The following GXYLT1 variants were observed in gnomAD, a reference collection of about 807,000 sequenced individuals.
The protein encoded by GXYLT1 is glycosyltransferase 8 domain containing 3.
A neutral mutation model predicts 54.0 loss-of-function variants in GXYLT1; 29 were observed. The ratio of observed to expected loss-of-function variants is 0.54; its 90% CI spans 0.40 to 0.73. GXYLT1 has a LOEUF of 0.73. Ranked by LOEUF, GXYLT1 falls within the 30% of genes least tolerant of loss-of-function variation. The pLI is 0.00. For missense variants in GXYLT1, 490 were observed against 553.4 expected (o/e 0.89, Z 1.15); for synonymous variants, 176 against 204.1 (o/e 0.86, Z 1.17).
chr12:42,133,515 C>G (rs984852891), intron 1 of GXYLT1, among the ~76,000 whole-genome samples: 5 of 152,116 alleles, frequency 3.3e-5, no homozygotes, highest in Non-Finnish European at 7.4e-5. Context: ...GATCAACAGC[C>G]TCCACTGAGC....
At chr12:42,115,454 G>A (rs1041645090) in intron 3 of GXYLT1, among the ~76,000 whole-genome samples, 2 of 152,254 alleles carry the variant, frequency 1.3e-5, no homozygotes, top group East Asian at 1.9e-4. Flanking sequence ...AAATCAATGT[G>A]CAAAAATCAC....
intron 5 of GXYLT1, among the ~76,000 whole-genome samples, chr12:42,098,344 T>C (rs1030490589): frequency 2.0e-5 from 3 of 152,140 alleles, no homozygotes; most frequent in African/African-American, 7.2e-5. Flanking sequence ...GTCAGAGTTG[T>C]TGATGATTAA....
chr12:42,119,188 C>G lies in GXYLT1; in HGVS notation c.315-17G>C. The stretch of plus-strand genomic sequence containing the variant: ...AGACTGTACCTAATAGGAAAGAAAA[C>G]CACATTTTTCAACAGTTTTAGTATA... On this transcript the variant is annotated splice_polypyrimidine_tract_variant and intron_variant, in intron 2 of 7. Transcript: ENST00000398675. 6.7e-7 allele frequency: 1 copy of G among 1,497,032 alleles called. No individual in the cohort carries two copies. Among genetic ancestry groups the G allele is most frequent in the Non-Finnish European group, 9.0e-7 (1 of 1,117,116 alleles). The allele number at this position is 1,497,032 out of a possible 1,614,324, so 92.7% of individuals were successfully genotyped here.
chr12:42,123,979 TATC>T (rs1187198223), intron 2 of GXYLT1, among the ~76,000 whole-genome samples: 1 of 150,898 alleles, frequency 6.6e-6, no homozygotes, highest in East Asian at 1.9e-4. Context: ...TGTGCTAAAT[TATC>T]ATACCAGGCA....
chr12:42,099,093 G>A (rs1051802599), intron 5 of GXYLT1, among the ~76,000 whole-genome samples: 3 of 152,098 alleles, frequency 2.0e-5, no homozygotes, highest in Non-Finnish European at 2.9e-5. Context: ...TGCACTCCAA[G>A]AAAGAGACCC....
chr12:42,091,505 A>G (rs2065329289), intron 7 of GXYLT1, among the ~76,000 whole-genome samples: 1 of 152,162 alleles, frequency 6.6e-6, no homozygotes, highest in South Asian at 2.1e-4. Flanking sequence ...GAACCCCACA[A>G]GCACTTTTCT....
At chr12:42,129,906 A>G in intron 1 of GXYLT1, 55 bp from the exon 2 acceptor site, 1 of 1,119,084 alleles carries the variant, frequency 8.9e-7, no homozygotes, top group Non-Finnish European at 1.3e-6. Context: ...GTTTGGAACT[A>G]ACAAGGAATT....
At chr12:42,108,854 A>G (rs911366195) in intron 4 of GXYLT1, among the ~76,000 whole-genome samples, 9 of 152,216 alleles carry the variant, frequency 5.9e-5, no homozygotes, top group East Asian at 1.9e-4. Flanking sequence ...TATTTCTACC[A>G]TAAGTATTCT....
chr12:42,125,924 G>A (rs2065558409), intron 2 of GXYLT1, among the ~76,000 whole-genome samples: 4 of 151,990 alleles, frequency 2.6e-5, no homozygotes, highest in Non-Finnish European at 5.9e-5. Context: ...CTACTTAGAG[G>A]ACTCAGGCAG....
intron 7 of GXYLT1, among the ~76,000 whole-genome samples, chr12:42,092,531 T>C (rs1457956834): frequency 6.6e-6 from 1 of 152,124 alleles, no homozygotes; most frequent in African/African-American, 2.4e-5. Context: ...GTATTAATCA[T>C]GTCCCCCATC....
Position 42,097,273 on chromosome 12 carries a change from G to GA in GXYLT1, c.1161+168dup, listed in dbSNP as rs555226768. The stretch of plus-strand genomic sequence containing the variant: ...GAAAAAACAACTACATTGTTTTCAG[G>GA]AAAAAAAAATGTAGAGAGAAAACCA... On this transcript the variant is annotated intron_variant, in intron 7 of 7. Transcript: ENST00000398675. Among the ~76,000 whole-genome samples the GA allele has an allele frequency of 1.1e-4, 16 of 150,456 alleles. 2 individuals carry two copies. The highest frequency in any genetic ancestry group is 2.2e-4 in the African/African-American group (9 of 41,058).
intron 5 of GXYLT1, among the ~76,000 whole-genome samples, chr12:42,100,184 C>A (rs1284549692): frequency 6.6e-6 from 1 of 152,096 alleles, no homozygotes; most frequent in Admixed American, 6.6e-5. Flanking sequence ...CCTTTTAGAT[C>A]TATGTGACTC....
At position 42,097,633 on chromosome 12, in the gene GXYLT1, A is replaced by G. The variant is rs751888298; in HGVS notation, c.989-19T>C. 1.9e-6 allele frequency: 3 copies of G among 1,594,158 alleles called. No individual in the cohort carries two copies. The African/African-American group carries it at 4.1e-5, about 22-fold the overall frequency. On this transcript the variant is annotated intron_variant, in intron 6 of 7. Coordinates refer to ENST00000398675, the MANE Select transcript of GXYLT1 (RefSeq NM_173601.2). ...AGGCTTTCTACATAAAGAAAAGACC[A>G]AACAATGAAGCAAATACCCCTAATT...
intron 2 of GXYLT1, among the ~76,000 whole-genome samples, chr12:42,128,368 C>A (rs1387408229): frequency 6.6e-6 from 1 of 152,116 alleles, no homozygotes; most frequent in African/African-American, 2.4e-5. Context: ...CCCATAAATA[C>A]ATAGAATTAT....
chr12:42,144,059 A>C (rs2065665924), intron 1 of GXYLT1, among the ~76,000 whole-genome samples: 1 of 152,220 alleles, frequency 6.6e-6, no homozygotes, highest in Non-Finnish European at 1.5e-5. Context: ...TCATGTTTAA[A>C]TATCTCAACT....
chr12:42,106,297 A>G (rs1234882941), intron 4 of GXYLT1, among the ~76,000 whole-genome samples: 1 of 152,162 alleles, frequency 6.6e-6, no homozygotes, highest in Non-Finnish European at 1.5e-5. Flanking sequence ...ACCAAAACAA[A>G]ATACTCAATT....
chr12:42,126,211 C>T (rs1253278387), intron 2 of GXYLT1, among the ~76,000 whole-genome samples: 2 of 151,916 alleles, frequency 1.3e-5, no homozygotes, highest in Non-Finnish European at 2.9e-5. Flanking sequence ...GTAGCTTGAA[C>T]TAAAGTTGCG....
At position 42,144,561 on chromosome 12, in the gene GXYLT1, G is replaced by A. The variant is rs779634945; in HGVS notation, c.86C>T (p.Ser29Phe). Residue 29 changes from serine to phenylalanine, a missense_variant, in exon 1 of 8, where the codon TCC becomes TTC. By Grantham distance (155) the Ser-to-Phe change is radical. This residue lies in a region of GXYLT1 where 148 missense variants were observed against 210.7 expected (regional missense o/e 0.70). Coordinates refer to ENST00000398675, the MANE Select transcript of GXYLT1 (RefSeq NM_173601.2). ...LLYAFSQLAV[S>F]LEEGTGGGGG... ...ACCGCCGCCCGTTCCTTCTTCCAGG[G>A]ACACGGCGAGCTGGCTGAAAGCGTA... 1 of 1,464,548 alleles carries A rather than the reference G, an allele frequency of 6.8e-7. No individual in the cohort carries two copies. Among genetic ancestry groups the A allele is most frequent in the Non-Finnish European group, 9.0e-7 (1 of 1,107,310 alleles). The allele number at this position is 1,464,548 out of a possible 1,614,324, so 90.7% of individuals were successfully genotyped here.
In GXYLT1 at chr12:42,083,355, A is replaced by G. The variant is rs1420942388; in HGVS notation, c.*4431T>C. 1 of 98,362 alleles carries G rather than the reference A, an allele frequency of 1.0e-5. No individual in the cohort carries two copies. Among genetic ancestry groups the G allele is most frequent in the Admixed American group, 1.1e-4 (1 of 8,832 alleles). The allele number at this position is 98,362 out of a possible 1,614,324, so 6.1% of individuals were successfully genotyped here. On this transcript the variant is annotated 3_prime_UTR_variant, in exon 8 of 8. Transcript: ENST00000398675. ...AATGGATAAAAGAATAACTGTTATA[A>G]TACAAATCTTTATTTAATCTACTTT...
Sources: gnomAD v4.1 joint callset for allele counts (sites outside exome capture counted in the v4.1 genomes callset) on GRCh38, gnomAD v4.1.1 for gene constraint, gnomAD v4.1.1 regional missense constraint, MANE v1.5 for transcripts, NCBI Gene and HGNC (gene_info 2026-07-23, HGNC 2026-07-21) for gene names.